SCNN1B: variants seen among roughly 807,000 people sequenced by gnomAD.
SCNN1B encodes sodium channel epithelial 1 subunit beta, also known as epithelial sodium channel subunit beta.
SCNN1B carries 46 observed loss-of-function variants against 65.3 expected under a neutral mutation model. That is an observed-to-expected ratio of 0.70 (90% confidence interval 0.56 to 0.90). The LOEUF is 0.90. Ranked by LOEUF, SCNN1B falls within the 40% of genes least tolerant of loss-of-function variation. The pLI, the probability that SCNN1B is intolerant of heterozygous loss-of-function variation, is 0.00. For synonymous variants in SCNN1B, 349 were observed against 330.6 expected, an observed-to-expected ratio of 1.06 and a Z score of -0.60; for missense variants, 751 against 830.5, an observed-to-expected ratio of 0.90 and a Z score of 1.18.
In SCNN1B at chr16:23,370,949, C is replaced by T. The variant is rs1230683961; in HGVS notation, c.881-350C>T. ...ATAGCAGGAGGAAGGCGTGCAGAAG[C>T]TCGGAGGCATTGAACGGGGACAGCG... On this transcript the variant is annotated intron_variant, in intron 5 of 12. Transcript: ENST00000343070. 4.6e-5 allele frequency among the ~76,000 whole-genome samples: 7 copies of T among 152,202 alleles called. No homozygotes were observed. In the South Asian group the frequency reaches 1.2e-3, roughly 27 times the overall value.
chr16:23,367,800 G>T (rs569235071), intron 4 of SCNN1B, 56 bp from the exon 5 acceptor site: 25 of 1,325,024 alleles, frequency 1.9e-5, no homozygotes, highest in Non-Finnish European at 2.6e-5. Context: ...GCAGACAGTC[G>T]GGGGAGGCAT....
chr16:23,307,977 T>G (rs1431144117), intron 1 of SCNN1B, among the ~76,000 whole-genome samples: 1 of 151,246 alleles, frequency 6.6e-6, no homozygotes, highest in Admixed American at 6.6e-5. Flanking sequence ...CCCAGGAGAT[T>G]GAGGCTGCAG....
At chr16:23,323,443 A>G (rs1961629521) in intron 1 of SCNN1B, 4 of 675,902 alleles carry the variant, frequency 5.9e-6, no homozygotes, top group African/African-American at 3.5e-5. Context: ...GAAGCCTCTC[A>G]TAGGCACTGA....
At chr16:23,323,960 C>T (rs72654309) in intron 1 of SCNN1B, among the ~76,000 whole-genome samples, 413 of 152,324 alleles carry the variant, frequency 2.7e-3, no homozygotes, top group African/African-American at 9.7e-3. Flanking sequence ...TAATGAATTA[C>T]AGTAGCCAAC....
intron 1 of SCNN1B, among the ~76,000 whole-genome samples, chr16:23,304,882 C>T (rs776414272): frequency 3.9e-5 from 6 of 152,148 alleles, no homozygotes; most frequent in Non-Finnish European, 8.8e-5. Context: ...CCTCCCCAAA[C>T]TGTTAGGTGG....
upstream of SCNN1B, among the ~76,000 whole-genome samples, chr16:23,301,873 T>C (rs989216252): frequency 1.3e-5 from 2 of 152,054 alleles, no homozygotes; most frequent in Admixed American, 1.3e-4. Flanking sequence ...AGTCACCAAC[T>C]TGCCCAGAGG....
At chr16:23,337,568 G>A (rs1051079959) in intron 1 of SCNN1B, among the ~76,000 whole-genome samples, 9 of 151,712 alleles carry the variant, frequency 5.9e-5, no homozygotes, top group African/African-American at 1.9e-4. Flanking sequence ...AGTAGAGACA[G>A]GGTTTCACCA....
chr16:23,362,907 C>T lies in SCNN1B; in HGVS notation c.777-4949C>T, dbSNP rs993250719. Among the ~76,000 whole-genome samples, 8 of 152,328 alleles carry T rather than the reference C, an allele frequency of 5.3e-5. 1 individual carries two copies. The South Asian group carries it at 1.7e-3, about 32-fold the overall frequency. ...CAGCCCTGATCCCACAGTTTATAGA[C>T]TCCATGGTGCCCGCCCAGAGCTATT... On this transcript the variant is annotated intron_variant, in intron 4 of 12. Coordinates refer to ENST00000343070, the MANE Select transcript of SCNN1B (RefSeq NM_000336.3).
At chr16:23,343,004 C>CA (rs1417825935) in intron 1 of SCNN1B, among the ~76,000 whole-genome samples, 1 of 152,106 alleles carries the variant, frequency 6.6e-6, no homozygotes, top group Non-Finnish European at 1.5e-5. Flanking sequence ...GAACACACAA[C>CA]AAAAAATGCT....
intron 1 of SCNN1B, among the ~76,000 whole-genome samples, chr16:23,314,261 C>T (rs1337913055): frequency 6.6e-6 from 1 of 152,136 alleles, no homozygotes; most frequent in East Asian, 1.9e-4. Flanking sequence ...CTCCTGGGCT[C>T]ACTCAATCTT....
intron 1 of SCNN1B, among the ~76,000 whole-genome samples, chr16:23,307,295 CTTTTT>C (rs761118487): frequency 2.6e-5 from 3 of 113,300 alleles, no homozygotes; most frequent in East Asian, 5.2e-4. Context: ...GCCTGTGCTC[CTTTTT>C]TTTTTTTTTT....
chr16:23,353,343 C>T (rs535926800), intron 3 of SCNN1B: 36 of 519,386 alleles, frequency 6.9e-5, no homozygotes, highest in Non-Finnish European at 9.7e-5. Flanking sequence ...AGGTATACTG[C>T]ATTCAGGCAA....
intron 2 of SCNN1B, among the ~76,000 whole-genome samples, chr16:23,284,631 C>G (rs1808131988): frequency 6.6e-6 from 1 of 152,082 alleles, no homozygotes; most frequent in African/African-American, 2.4e-5. Context: ...CCAGAGGGAG[C>G]AACCTCAGAT....
chr16:23,314,879 C>T (rs1477378457), intron 1 of SCNN1B, among the ~76,000 whole-genome samples: 1 of 152,198 alleles, frequency 6.6e-6, no homozygotes, highest in Non-Finnish European at 1.5e-5. Context: ...GGACCCTGGG[C>T]CTCCCTCCCA....
chr16:23,369,681 G>A (rs1459493781), intron 5 of SCNN1B, among the ~76,000 whole-genome samples: 2 of 152,068 alleles, frequency 1.3e-5, no homozygotes, highest in African/African-American at 2.4e-5. Flanking sequence ...GGTGAGCTGA[G>A]TGCCTTTCAC....
chr16:23,307,918 G>A (rs1961256529), intron 1 of SCNN1B, among the ~76,000 whole-genome samples: 1 of 152,072 alleles, frequency 6.6e-6, no homozygotes, highest in Admixed American at 6.6e-5. Context: ...AGTGGCACAT[G>A]CCCGTAGTCC....
At chr16:23,317,882 C>T (rs1961506259) in intron 1 of SCNN1B, among the ~76,000 whole-genome samples, 2 of 152,232 alleles carry the variant, frequency 1.3e-5, no homozygotes, top group Admixed American at 6.5e-5. Context: ...ACAGACTACA[C>T]ACATGATGAA....
At chr16:23,364,891 T>C (rs1314830219) in intron 4 of SCNN1B, among the ~76,000 whole-genome samples, 2 of 151,882 alleles carry the variant, frequency 1.3e-5, no homozygotes, top group Non-Finnish European at 2.9e-5. Context: ...TTTGGGAGGC[T>C]GAGGTGGGTG....
intron 10 of SCNN1B, among the ~76,000 whole-genome samples, chr16:23,377,705 T>G (rs915466956): frequency 1.2e-4 from 7 of 56,432 alleles, no homozygotes; most frequent in Admixed American, 2.4e-4. Context: ...CTTCCTTCTT[T>G]CCTTTCCTCC....
Sources: gnomAD v4.1 joint callset for allele counts (sites outside exome capture counted in the v4.1 genomes callset) on GRCh38, gnomAD v4.1.1 for gene constraint, MANE v1.5 for transcripts, NCBI Gene and HGNC (gene_info 2026-07-23, HGNC 2026-07-21) for gene names.